Variants in OR52A1 observed in about 807,000 individuals in gnomAD.
OR52A1 encodes the protein olfactory receptor 52A1.
A neutral mutation model predicts 14.3 loss-of-function variants in OR52A1; 14 were observed. The ratio of observed to expected loss-of-function variants is 0.98; its 90% CI spans 0.65 to 1.54. The LOEUF (loss-of-function observed/expected upper bound fraction) is 1.54. Ranked by LOEUF, OR52A1 falls within the 40% of genes most tolerant of loss-of-function variation. The pLI is 0.00. For missense variants in OR52A1, 405 were observed against 381.3 expected, an observed-to-expected ratio of 1.06 and a Z score of -0.52; for synonymous variants, 151 against 135.3, an observed-to-expected ratio of 1.12 and a Z score of -0.80.
In OR52A1 at chr11:5,150,954, T is replaced by A. The variant is rs556787810; in HGVS notation, c.*477A>T. The A allele has an allele frequency of 1.3e-5, 2 of 152,436 alleles. No individual in the cohort carries two copies. Among genetic ancestry groups the A allele is most frequent in the Non-Finnish European group, 2.9e-5 (2 of 68,216 alleles). The allele number at this position is 152,436 out of a possible 1,614,324, so 9.4% of individuals were successfully genotyped here. On this transcript the variant is annotated 3_prime_UTR_variant, in exon 2 of 2. Coordinates refer to ENST00000380367, the MANE Select transcript of OR52A1 (RefSeq NM_012375.3). ...GTATTTAAATTTTTAGGCTTTATTG[T>A]CTCTTGATATTCATAAGATTTTCTT...
In OR52A1 at chr11:5,149,531, A is replaced by G. The variant is rs532703453; in HGVS notation, c.*1900T>C. The G allele has an allele frequency of 3.3e-5, 5 of 152,302 alleles. No homozygotes were observed. In the South Asian group the frequency reaches 1.0e-3, roughly 32 times the overall value. 9.4% of individuals were successfully genotyped at this position (152,302 alleles called of 1,614,324 possible). On this transcript the variant is annotated 3_prime_UTR_variant, in exon 2 of 2. Transcript: ENST00000380367. ...AAAAATGGATTCTATTATTTTAATT[A>G]GTAGACCTTCTTTAATTAAAGACAA...
chr11:5,152,249 T>C lies in OR52A1; in HGVS notation c.121A>G (p.Met41Val), dbSNP rs201223666. The C allele has an allele frequency of 1.6e-5, 26 of 1,613,850 alleles. No individual in the cohort carries two copies. Among genetic ancestry groups the C allele is most frequent in the Non-Finnish European group, 2.1e-5 (25 of 1,179,994 alleles). ...IPFCAIYLIA[M>V]IGNSLLLSII... is the part of the protein sequence containing the mutation. ...CTCAGAAGCAAGGAATTTCCAATCA[T>C]AGCAATGAGATAAATGGCACAGAAT... The change falls in exon 2 of 2, where the codon ATG (methionine) becomes GTG (valine). Residue 41 changes from methionine to valine, a missense_variant. Coordinates refer to ENST00000380367, the MANE Select transcript of OR52A1 (RefSeq NM_012375.3).
Position 5,147,185 on chromosome 11 carries a change from T to C in OR52A1, c.*4246A>G, listed in dbSNP as rs148881965. 67,968 of 152,066 alleles carry C rather than the reference T, an allele frequency of 0.45. 16,164 individuals are homozygous for C. Among genetic ancestry groups the C allele is most frequent in the Middle Eastern group, 0.57 (167 of 294 alleles). 9.4% of individuals were successfully genotyped at this position (152,066 alleles called of 1,614,324 possible). ...ATTTTGTCCCAATATTATTCTTTAG[T>C]AACTTGTAAACCATGATGTTGAGTC... On this transcript the variant is annotated 3_prime_UTR_variant, in exon 2 of 2. Coordinates refer to ENST00000380367, the MANE Select transcript of OR52A1 (RefSeq NM_012375.3).
At position 5,153,774 on chromosome 11, in the gene OR52A1, A is replaced by G. The variant is rs537927280; in HGVS notation, c.-322+673T>C. Among the ~76,000 whole-genome samples the G allele has an allele frequency of 4.7e-5, 7 of 149,190 alleles. No individual in the cohort carries two copies. The South Asian group carries it at 1.5e-3, about 33-fold the overall frequency. On this transcript the variant is annotated intron_variant, in intron 1 of 1. Transcript: ENST00000380367. Reference sequence around the variant, plus strand: ...TAACCGTATGCTTCATGTCACCAATATGCTGGAAATTCAGGAAGTAGCTGT... The same window carrying G: ...TAACCGTATGCTTCATGTCACCAATGTGCTGGAAATTCAGGAAGTAGCTGT...
In OR52A1 at chr11:5,148,210, G is replaced by A. The variant is rs1846502667; in HGVS notation, c.*3221C>T. 1 of 143,146 alleles carries A rather than the reference G, an allele frequency of 7.0e-6. No individual in the cohort carries two copies. Among genetic ancestry groups the A allele is most frequent in the Non-Finnish European group, 1.5e-5 (1 of 66,706 alleles). 8.9% of individuals were successfully genotyped at this position (143,146 alleles called of 1,614,324 possible). On this transcript the variant is annotated 3_prime_UTR_variant, in exon 2 of 2. Transcript: ENST00000380367. The stretch of plus-strand genomic sequence containing the variant: ...AATGAAGGGCTGCAAAAAGCTAGAA[G>A]GTTCAGTTCCTGAAATCTTTTTTTT...
Position 5,151,557 on chromosome 11 carries a change from G to C in OR52A1, c.813C>G (p.Ile271Met). The C allele has an allele frequency of 6.2e-7, 1 of 1,606,440 alleles. No homozygotes were observed. ...AAAAGAGAATATGGATATAAGGGGA[G>C]ATGTGAGACCCAAACCTATGTGTGA... Reference protein sequence around the residue: ...SFFTHRFGSHISPYIHILFSS... With the variant: ...SFFTHRFGSHMSPYIHILFSS... Residue 271 changes from isoleucine to methionine, a missense_variant, in exon 2 of 2, where the codon ATC becomes ATG. By Grantham distance (10) the Ile-to-Met change is conservative (BLOSUM62 1). Coordinates refer to ENST00000380367, the MANE Select transcript of OR52A1 (RefSeq NM_012375.3).
Position 5,151,424 on chromosome 11 carries a change from G to A in OR52A1, c.*7C>T. 1 of 1,591,670 alleles carries A rather than the reference G, an allele frequency of 6.3e-7. No homozygotes were observed. Among genetic ancestry groups the A allele is most frequent in the Non-Finnish European group, 8.6e-7 (1 of 1,168,354 alleles). On this transcript the variant is annotated 3_prime_UTR_variant, in exon 2 of 2. Coordinates refer to ENST00000380367, the MANE Select transcript of OR52A1 (RefSeq NM_012375.3). ...AAAAAGCATGTAGGCATTAATTAAGGTGGATTTTATGAACAGAACATTTTT... is the reference window on the plus strand; with the variant it reads ...AAAAAGCATGTAGGCATTAATTAAGATGGATTTTATGAACAGAACATTTTT...
At position 5,151,211 on chromosome 11, in the gene OR52A1, A is replaced by G. The variant is rs1272186222; in HGVS notation, c.*220T>C. ...GCTAAAGAATAAAAGAGAAAAAATA[A>G]TATATATTCACTACTTCACTCATTT... On this transcript the variant is annotated 3_prime_UTR_variant, in exon 2 of 2. Coordinates refer to ENST00000380367, the MANE Select transcript of OR52A1 (RefSeq NM_012375.3). 12 of 410,400 alleles carry G rather than the reference A, an allele frequency of 2.9e-5. No homozygotes were observed. The highest frequency in any genetic ancestry group is 4.0e-5 in the Admixed American group (1 of 24,776). The allele number at this position is 410,400 out of a possible 1,614,324, so 25.4% of individuals were successfully genotyped here.
intron 1 of OR52A1, among the ~76,000 whole-genome samples, chr11:5,153,627 A>G (rs1846574871): frequency 6.6e-6 from 1 of 152,180 alleles, no homozygotes; most frequent in Non-Finnish European, 1.5e-5. Flanking sequence ...CATATTTTGA[A>G]TCAGTACATT....
chr11:5,150,599 T>A lies in OR52A1; in HGVS notation c.*832A>T, dbSNP rs537535471. The stretch of plus-strand genomic sequence containing the variant: ...CTTTGGTTAGATTTCAATGCTTCAT[T>A]CTCTCTGAACTCCACATCCTATGTG... On this transcript the variant is annotated 3_prime_UTR_variant, in exon 2 of 2. Coordinates refer to ENST00000380367, the MANE Select transcript of OR52A1 (RefSeq NM_012375.3). 1 of 152,292 alleles carries A rather than the reference T, an allele frequency of 6.6e-6. No individual in the cohort carries two copies. Among genetic ancestry groups the A allele is most frequent in the South Asian group, 2.1e-4 (1 of 4,822 alleles). The allele number at this position is 152,292 out of a possible 1,614,324, so 9.4% of individuals were successfully genotyped here.
In OR52A1 at chr11:5,151,707, G is replaced by T; in HGVS notation, c.663C>A (p.Tyr221Ter). The change falls in exon 2 of 2, where the codon TAC becomes TAA. Residue 221 changes from tyrosine to a stop codon, truncating the protein, a stop_gained. Coordinates refer to ENST00000380367, the MANE Select transcript of OR52A1 (RefSeq NM_012375.3). LOFTEE classifies it high-confidence loss of function. ...GAAAAACTGTGATAAATATCTGGAT[G>T]TAGGACAATGTGATGAATGTGAGGT... is the stretch of plus-strand genomic sequence containing the variant. ...GFDLTFITLSYIQIFITVFRL... is the reference protein window; with the variant it reads ...GFDLTFITLS 1 of 1,614,180 alleles carries T rather than the reference G, an allele frequency of 6.2e-7. No individual in the cohort carries two copies. Among genetic ancestry groups the T allele is most frequent in the Non-Finnish European group, 8.5e-7 (1 of 1,180,012 alleles).
chr11:5,151,713 C>G lies in OR52A1; in HGVS notation c.657G>C (p.Leu219Phe). The change falls in exon 2 of 2, where the codon TTG becomes TTC. Residue 219 changes from leucine (L) to phenylalanine (F), a missense_variant. Transcript: ENST00000380367. Reference protein sequence around the residue: ...VAGFDLTFITLSYIQIFITVF... With the variant: ...VAGFDLTFITFSYIQIFITVF... ...CTGTGATAAATATCTGGATGTAGGACAATGTGATGAATGTGAGGTCAAATC... is the reference window on the plus strand; with the variant it reads ...CTGTGATAAATATCTGGATGTAGGAGAATGTGATGAATGTGAGGTCAAATC... The G allele has an allele frequency of 6.2e-7, 1 of 1,614,182 alleles. No individual in the cohort carries two copies.
chr11:5,153,264 TC>T (rs1846570066), intron 1 of OR52A1, among the ~76,000 whole-genome samples: 1 of 152,232 alleles, frequency 6.6e-6, no homozygotes, highest in African/African-American at 2.4e-5. Context: ...GAGTCCAGTT[TC>T]CTGGTTTTAA....
rs1482457389 is a variant in OR52A1 at position 5,147,504 on chromosome 11, A to T, written c.*3927T>A. 1 of 152,130 alleles carries T rather than the reference A, an allele frequency of 6.6e-6. No homozygotes were observed. The highest frequency in any genetic ancestry group is 2.4e-5 in the African/African-American group (1 of 41,412). 9.4% of individuals were successfully genotyped at this position (152,130 alleles called of 1,614,324 possible). A position where few individuals can be genotyped will look rare whatever the true frequency, so the allele number is the denominator to read the frequency against. ...TGCCAGGAGACTGCCTTTGGACTTAAATTACAACACTGGCTCTTCCCTGAG... is the reference window on the plus strand; with the variant it reads ...TGCCAGGAGACTGCCTTTGGACTTATATTACAACACTGGCTCTTCCCTGAG... On this transcript the variant is annotated 3_prime_UTR_variant, in exon 2 of 2. Transcript: ENST00000380367.
chr11:5,151,268 T>A lies in OR52A1; in HGVS notation c.*163A>T. The A allele has an allele frequency of 1.6e-6, 1 of 616,990 alleles. No individual in the cohort carries two copies. Among genetic ancestry groups the A allele is most frequent in the South Asian group, 2.3e-5 (1 of 43,866 alleles). 38.2% of individuals were successfully genotyped at this position (616,990 alleles called of 1,614,324 possible). A position where few individuals can be genotyped will look rare whatever the true frequency, so the allele number is the denominator to read the frequency against. On this transcript the variant is annotated 3_prime_UTR_variant, in exon 2 of 2. Transcript: ENST00000380367. ...TCTCACTTTCATTAGTCACGTAGAA[T>A]TCACAATCCCACTGATTGATATGAG...
In OR52A1 at chr11:5,148,577, G is replaced by T. The variant is rs1317100361; in HGVS notation, c.*2854C>A. ...GCGTTCTGCTCCTAATAGGTCAAAGGTCTCCAATGTTAAGACTTTTTACTT... is the reference window on the plus strand; with the variant it reads ...GCGTTCTGCTCCTAATAGGTCAAAGTTCTCCAATGTTAAGACTTTTTACTT... On this transcript the variant is annotated 3_prime_UTR_variant, in exon 2 of 2. Transcript: ENST00000380367. 6.6e-6 allele frequency: 1 copy of T among 151,946 alleles called. No individual in the cohort carries two copies. Among genetic ancestry groups the T allele is most frequent in the Non-Finnish European group, 1.5e-5 (1 of 68,008 alleles). 9.4% of individuals were successfully genotyped at this position (151,946 alleles called of 1,614,324 possible).
chr11:5,153,601 T>C (rs533010440), intron 1 of OR52A1, among the ~76,000 whole-genome samples: 51 of 152,284 alleles, frequency 3.3e-4, no homozygotes, highest in African/African-American at 1.2e-3. Flanking sequence ...TCAAAATAGT[T>C]ATTTTCTAAA....
rs1846549736 is a variant in OR52A1 at position 5,152,032 on chromosome 11, T to A, written c.338A>T (p.Glu113Val). 1 of 1,613,956 alleles carries A rather than the reference T, an allele frequency of 6.2e-7. No homozygotes were observed. The change falls in exon 2 of 2, where the codon GAG becomes GTG. Residue 113 changes from glutamate to valine, a missense_variant. Glu to Val is a moderately radical substitution (Grantham distance 121). Transcript: ENST00000380367. The part of the protein sequence containing the change: ...MWFIHTLQGI[E>V]SGILVAMALD... ...GGCCATGGCCACAAGGATGCCTGAC[T>A]CTATACCCTGCAATGTGTGGATGAA...
chr11:5,152,608 T>C lies in OR52A1; in HGVS notation c.-239A>G. On this transcript the variant is annotated 5_prime_UTR_variant, in exon 2 of 2. It removes an upstream start codon present in the reference 5' UTR. Transcript: ENST00000380367. ...GTGCCATAATAGGATGTTATGTGCATGGCAATCCAAATACATTAGAACCAG... is the reference window on the plus strand; with the variant it reads ...GTGCCATAATAGGATGTTATGTGCACGGCAATCCAAATACATTAGAACCAG... 1 of 451,400 alleles carries C rather than the reference T, an allele frequency of 2.2e-6. No individual in the cohort carries two copies. Among genetic ancestry groups the C allele is most frequent in the Non-Finnish European group, 4.1e-6 (1 of 244,368 alleles). 28.0% of individuals were successfully genotyped at this position (451,400 alleles called of 1,614,324 possible).
Sources: allele counts gnomAD v4.1 joint callset (sites outside exome capture counted in the v4.1 genomes callset), GRCh38; gene constraint gnomAD v4.1.1; transcripts MANE v1.5; gene names NCBI Gene and HGNC (gene_info 2026-07-23, HGNC 2026-07-21).